MYO18B: variants seen among roughly 807,000 people sequenced by gnomAD.
MYO18B encodes myosin XVIIIB, also known as unconventional myosin-XVIIIb.
Under a neutral mutation model 273.0 loss-of-function variants are expected in MYO18B, and 204 were observed. That is an observed-to-expected ratio of 0.75 (90% CI 0.67 to 0.84). MYO18B has a LOEUF of 0.84. MYO18B is among the 40% of genes least tolerant of loss of function. MYO18B has a pLI of 0.00. For synonymous variants in MYO18B, 1,330 were observed against 1,305.7 expected (o/e 1.02, Z -0.40); for missense variants, 3,212 against 3,287.6 (o/e 0.98, Z 0.56).
At chr22:25,838,911 G>A (rs1444785252) in intron 17 of MYO18B, among the ~76,000 whole-genome samples, 5 of 151,894 alleles carry the variant, frequency 3.3e-5, no homozygotes, top group African/African-American at 1.2e-4. Flanking sequence ...ATGTGTATGT[G>A]TATATCTGTG....
chr22:25,795,059 A>G (rs531149671), intron 11 of MYO18B, among the ~76,000 whole-genome samples: 2 of 152,204 alleles, frequency 1.3e-5, no homozygotes, highest in African/African-American at 4.8e-5. Context: ...GGTCTGTGAG[A>G]TGCCTATATG....
chr22:25,949,236 C>G (rs2092763836), intron 36 of MYO18B, among the ~76,000 whole-genome samples: 1 of 152,210 alleles, frequency 6.6e-6, no homozygotes, highest in African/African-American at 2.4e-5. Flanking sequence ...GTGCTGTATT[C>G]AGAGCCAAGA....
At chr22:25,859,918 G>A (rs1483676043) in intron 21 of MYO18B, among the ~76,000 whole-genome samples, 1 of 151,966 alleles carries the variant, frequency 6.6e-6, no homozygotes, top group Non-Finnish European at 1.5e-5. Context: ...CCTACCCCTC[G>A]GTTACAGAGA....
At chr22:25,957,862 T>C (rs1214946979) in intron 39 of MYO18B, among the ~76,000 whole-genome samples, 3 of 152,116 alleles carry the variant, frequency 2.0e-5, no homozygotes, top group Non-Finnish European at 2.9e-5. Context: ...TAAATCCACG[T>C]TGATCTCACC....
chr22:25,958,078 C>A (rs1041345299), intron 39 of MYO18B, among the ~76,000 whole-genome samples: 2 of 152,010 alleles, frequency 1.3e-5, no homozygotes, highest in African/African-American at 4.8e-5. Flanking sequence ...CCATGCCCAG[C>A]TAATTTTTGT....
intron 12 of MYO18B, among the ~76,000 whole-genome samples, chr22:25,803,660 A>G (rs1021400554): frequency 2.0e-5 from 3 of 152,158 alleles, no homozygotes; most frequent in African/African-American, 4.8e-5. Context: ...TGAACAGGTC[A>G]CTTCCCGTAT....
At position 26,027,604 on chromosome 22, in the gene MYO18B, G is replaced by A. The variant is rs760339139; in HGVS notation, c.7630G>A (p.Glu2544Lys). Reference sequence around the variant, plus strand: ...TGACGGTGGCGAGCGAACGTCCCCCGAGCGGAGAGAGCCAGGGACGGGGAG... The same window carrying A: ...TGACGGTGGCGAGCGAACGTCCCCCAAGCGGAGAGAGCCAGGGACGGGGAG... ...AGDGGERTSP[E>K]RREPGTGRKD... is the part of the protein sequence containing the mutation. The change falls in exon 43 of 44, where the codon GAG becomes AAG. Residue 2544 changes from glutamate (E) to lysine (K), a missense_variant. Transcript: ENST00000335473. This position sits in a 1 kb window ranked among gnomAD's most constrained non-coding sequence, Gnocchi z 4.1. 8.7e-6 allele frequency: 14 copies of A among 1,613,898 alleles called. No homozygotes were observed. The highest frequency in any genetic ancestry group is 2.2e-5 in the East Asian group (1 of 44,872).
At chr22:25,926,784 A>G (rs2092427858) in intron 34 of MYO18B, among the ~76,000 whole-genome samples, 2 of 152,222 alleles carry the variant, frequency 1.3e-5, no homozygotes, top group African/African-American at 4.8e-5. Context: ...GCAGGCTATA[A>G]CAAGCAGAGT....
rs770104189 is a variant in MYO18B, at chr22:26,004,762, A to C, written c.6377A>C (p.Gln2126Pro). The C allele has an allele frequency of 8.7e-6, 14 of 1,613,798 alleles. No individual in the cohort carries two copies. Among genetic ancestry groups the C allele is most frequent in the Non-Finnish European group, 1.2e-5 (14 of 1,179,824 alleles). Residue 2126 changes from glutamine (Q) to proline (P), a missense_variant, in exon 42 of 44, where the codon CAG becomes CCG. Gln to Pro is a moderately conservative substitution (Grantham distance 76). Transcript: ENST00000335473. ...AGCTCCCAGCCAGAGGGCAGCCTGC[A>C]GTCCTGGTTGAGCTGTACTCTGTCC... ...ILSSQPEGSL[Q>P]SWLSCTLSLA...
At chr22:25,895,922 ATG>A (rs2091788478) in intron 28 of MYO18B, among the ~76,000 whole-genome samples, 2 of 148,316 alleles carry the variant, frequency 1.3e-5, no homozygotes, top group African/African-American at 5.0e-5. Context: ...GCATTGTGGA[ATG>A]TTTTTTTTTT....
At chr22:26,063,758 G>A in the MYO18B span, among the ~76,000 whole-genome samples, 1 of 152,032 alleles carries the variant, frequency 6.6e-6, no homozygotes, top group African/African-American at 2.4e-5. Context: ...TGTCACCTGG[G>A]GAAACTGTGA....
chr22:26,051,680 C>T, the MYO18B span, among the ~76,000 whole-genome samples: 3 of 152,132 alleles, frequency 2.0e-5, no homozygotes, highest in East Asian at 5.8e-4. Flanking sequence ...TACTCTTGGC[C>T]CTATTCCCCA....
At position 25,828,669 on chromosome 22, in the gene MYO18B, G is replaced by A. The variant is rs970979252; in HGVS notation, c.2787-107G>A. The A allele has an allele frequency of 4.6e-6, 5 of 1,089,828 alleles. No individual in the cohort carries two copies. In the African/African-American group the frequency reaches 6.2e-5, roughly 14 times the overall value. 67.5% of individuals were successfully genotyped at this position (1,089,828 alleles called of 1,614,324 possible). A position where few individuals can be genotyped will look rare whatever the true frequency, so the allele number is the denominator to read the frequency against. ...TAGCTTGCCTGAGGTCACACAGCCT[G>A]TAAGAGGTGAGCTTGGTTTTGAAAC... On this transcript the variant is annotated intron_variant, in intron 14 of 43. Transcript: ENST00000335473.
intron 42 of MYO18B, among the ~76,000 whole-genome samples, chr22:26,010,346 G>A (rs1934802486): frequency 6.6e-6 from 1 of 152,150 alleles, no homozygotes; most frequent in Admixed American, 6.5e-5. Context: ...GCCTACAGCA[G>A]GGGTCCCAGA....
At chr22:25,975,091 G>A (rs2093074703) in intron 39 of MYO18B, among the ~76,000 whole-genome samples, 1 of 152,160 alleles carries the variant, frequency 6.6e-6, no homozygotes, top group African/African-American at 2.4e-5. Flanking sequence ...GCCTGGGAAG[G>A]CAGAACTGAT....
chr22:25,881,541 C>T (rs748424069), intron 25 of MYO18B, among the ~76,000 whole-genome samples: 12 of 152,182 alleles, frequency 7.9e-5, no homozygotes, highest in Admixed American at 2.0e-4. Context: ...AAATTCCTTC[C>T]CACCGAGCTG....
chr22:25,781,699 A>C (rs754279574), intron 9 of MYO18B, 35 bp from the exon 10 acceptor site: 16 of 1,442,984 alleles, frequency 1.1e-5, no homozygotes, highest in Middle Eastern at 1.9e-4. Context: ...ATGTACCCAA[A>C]GCACTGACTG....
At chr22:25,793,281 A>T (rs983880864) in intron 11 of MYO18B, among the ~76,000 whole-genome samples, 80 of 152,244 alleles carry the variant, frequency 5.3e-4, no homozygotes, top group African/African-American at 1.8e-3. Flanking sequence ...GTCATCCAGG[A>T]TGGAGTGCAG....
chr22:25,794,895 C>G (rs980512677), intron 11 of MYO18B, among the ~76,000 whole-genome samples: 1 of 152,210 alleles, frequency 6.6e-6, no homozygotes, highest in Admixed American at 6.5e-5. Flanking sequence ...TTTGAGCCCC[C>G]TCCCAGGCAA....
Sources: gnomAD v4.1 joint callset for allele counts (sites outside exome capture counted in the v4.1 genomes callset) on GRCh38, gnomAD v4.1.1 for gene constraint, Gnocchi (gnomAD v3.1) non-coding constraint, MANE v1.5 for transcripts, NCBI Gene and HGNC (gene_info 2026-07-23, HGNC 2026-07-21) for gene names.